Variants in EPB41L4B observed in about 807,000 individuals in gnomAD.
EPB41L4B encodes the protein band 4.1-like protein 4B.
EPB41L4B carries 30 observed loss-of-function variants against 112.5 expected under a neutral mutation model. That is an observed-to-expected ratio of 0.27 (90% CI 0.20 to 0.36). The LOEUF is 0.36. Among genes scored for constraint, EPB41L4B ranks in the 10% least tolerant of loss-of-function variants. EPB41L4B has a pLI of 1.00. For missense variants in EPB41L4B, 1,024 were observed against 1,133.3 expected (o/e 0.90, Z 1.38); for synonymous variants, 408 against 439.7 (o/e 0.93, Z 0.90).
At chr9:109,208,090 G>A (rs772236474) in intron 17 of EPB41L4B, 41 bp from the exon 18 acceptor site, 40 of 1,612,102 alleles carry the variant, frequency 2.5e-5, no homozygotes, top group Non-Finnish European at 3.2e-5. Flanking sequence ...TGTAAACAAA[G>A]AGAGAACCAT....
intron 1 of EPB41L4B, among the ~76,000 whole-genome samples, chr9:109,288,754 A>AAAAAAAAT (rs71372560): frequency 7.2e-6 from 1 of 139,030 alleles, no homozygotes; most frequent in Non-Finnish European, 1.6e-5. Context: ...AAAAAAAAAA[A>AAAAAAAAT]GCTGGGTGTG....
At chr9:109,241,106 G>T in intron 15 of EPB41L4B, 1 of 985,606 alleles carries the variant, frequency 1.0e-6, no homozygotes, top group Non-Finnish European at 1.2e-6. Flanking sequence ...AAATTAGTTT[G>T]AATGTATGTC....
rs1226953502 is a variant in EPB41L4B, at chr9:109,243,676, A to G, written c.1351T>C (p.Tyr451His). The G allele has an allele frequency of 1.9e-6, 3 of 1,614,032 alleles. No individual in the cohort carries two copies. The highest frequency in any genetic ancestry group is 2.5e-6 in the Non-Finnish European group (3 of 1,179,984). ...NPEVHNYQPQ[Y>H]HPNIHPSQPR... ...TGGCTGGGATGGATATTAGGATGATATTGAGGCTAGAAATAAAACACCAAA... is the reference window on the plus strand; with the variant it reads ...TGGCTGGGATGGATATTAGGATGATGTTGAGGCTAGAAATAAAACACCAAA... The change falls in exon 15 of 26, where the codon TAT becomes CAT. Residue 451 changes from tyrosine (Y) to histidine (H), a missense_variant. Tyr to His is a moderately conservative substitution (Grantham distance 83). Coordinates refer to ENST00000374566, the MANE Select transcript of EPB41L4B (RefSeq NM_019114.5).
chr9:109,182,898 G>C, intron 23 of EPB41L4B, 101 bp from the exon 24 acceptor site: 1 of 823,384 alleles, frequency 1.2e-6, no homozygotes, highest in South Asian at 1.4e-5. Context: ...AGGATTCAGG[G>C]GTGCCCCCGC....
intron 1 of EPB41L4B, among the ~76,000 whole-genome samples, chr9:109,293,086 G>T (rs1179919380): frequency 6.6e-6 from 1 of 152,208 alleles, no homozygotes; most frequent in Non-Finnish European, 1.5e-5. Flanking sequence ...TCTCCCAGCT[G>T]TGAGCCCTGC....
intron 15 of EPB41L4B, chr9:109,240,339 C>G: frequency 1.0e-6 from 1 of 985,438 alleles, no homozygotes; most frequent in Non-Finnish European, 1.2e-6. Context: ...GTCAGCTCCA[C>G]TGTGCAAGGT....
chr9:109,185,816 C>T (rs1403595887), intron 22 of EPB41L4B, among the ~76,000 whole-genome samples: 1 of 120,768 alleles, frequency 8.3e-6, no homozygotes, highest in Admixed American at 1.1e-4. Context: ...TCTCTCTCAG[C>T]CTTCTTTTCT....
At chr9:109,223,559 A>G (rs1015920309) in intron 15 of EPB41L4B, among the ~76,000 whole-genome samples, 40 of 152,204 alleles carry the variant, frequency 2.6e-4, no homozygotes, top group African/African-American at 8.4e-4. Flanking sequence ...CAATGCCCCA[A>G]AAAGCCAATC....
intron 15 of EPB41L4B, among the ~76,000 whole-genome samples, chr9:109,236,408 T>C (rs1302624499): frequency 6.6e-6 from 1 of 151,496 alleles, no homozygotes; most frequent in Admixed American, 6.6e-5. Flanking sequence ...GACTTAACAT[T>C]ATGCCTATTT....
At chr9:109,313,233 C>T (rs923860015) in intron 1 of EPB41L4B, among the ~76,000 whole-genome samples, 4 of 152,234 alleles carry the variant, frequency 2.6e-5, no homozygotes, top group Non-Finnish European at 2.9e-5. Context: ...ATACCCCTCC[C>T]CCATGCTTAA....
rs73529383 is a variant in EPB41L4B at position 109,252,421 on chromosome 9, C to T, written c.1280-910G>A. Among the ~76,000 whole-genome samples the T allele has an allele frequency of 6.3e-3, 952 of 152,292 alleles. 8 individuals carry two copies. The highest frequency in any genetic ancestry group is 0.022 in the African/African-American group (924 of 41,544). ...CCCATCGCCCTTCTCTGGACACGCT[C>T]CCATCCCCTGGCCTCTCTCGAAGGG... On this transcript the variant is annotated intron_variant, in intron 12 of 25. Coordinates refer to ENST00000374566, the MANE Select transcript of EPB41L4B (RefSeq NM_019114.5).
intron 11 of EPB41L4B, among the ~76,000 whole-genome samples, chr9:109,254,798 T>C (rs1834919884): frequency 6.6e-6 from 1 of 152,178 alleles, no homozygotes; most frequent in Non-Finnish European, 1.5e-5. Context: ...GCTCTTGATG[T>C]TTTCAGGCTC....
intron 16 of EPB41L4B, 114 bp from the exon 17 acceptor site, chr9:109,213,932 C>G: frequency 1.2e-6 from 1 of 841,584 alleles, no homozygotes; most frequent in South Asian, 1.5e-5. Flanking sequence ...CCGGCCTCCT[C>G]CTCCAGCAGC....
intron 15 of EPB41L4B, among the ~76,000 whole-genome samples, chr9:109,220,694 A>G (rs951427101): frequency 6.6e-6 from 1 of 152,168 alleles, no homozygotes; most frequent in African/African-American, 2.4e-5. Context: ...TCTCTGACCC[A>G]TCTTGGCTGC....
At chr9:109,174,762 A>G (rs1487971438) in intron 25 of EPB41L4B, 139 bp from the exon 26 acceptor site, 4 of 649,860 alleles carry the variant, frequency 6.2e-6, no homozygotes, top group Non-Finnish European at 7.9e-6. Flanking sequence ...GACTATCTAC[A>G]TTTGCTAGCA....
At chr9:109,192,134 C>T (rs1196128019) in intron 22 of EPB41L4B, 144 bp downstream of exon 22, 13 of 684,318 alleles carry the variant, frequency 1.9e-5, no homozygotes, top group Admixed American at 1.0e-4. Flanking sequence ...GTGCCTGACC[C>T]CTGGATGAAA....
chr9:109,306,957 A>T (rs1490936090), intron 1 of EPB41L4B, among the ~76,000 whole-genome samples: 1 of 149,750 alleles, frequency 6.7e-6, no homozygotes, highest in Non-Finnish European at 1.5e-5. Flanking sequence ...ACGCCCATAC[A>T]TTTGACCATT....
intron 24 of EPB41L4B, among the ~76,000 whole-genome samples, chr9:109,177,667 C>CA (rs1831891057): frequency 6.6e-6 from 1 of 151,510 alleles, no homozygotes; most frequent in Non-Finnish European, 1.5e-5. Context: ...ACTAAAAATA[C>CA]AAAAAATCAG....
At chr9:109,208,141 C>A in intron 17 of EPB41L4B, 92 bp from the exon 18 acceptor site, 2 of 1,482,004 alleles carry the variant, frequency 1.3e-6, no homozygotes, top group South Asian at 2.5e-5. Flanking sequence ...GCATATAACA[C>A]AGACCTACAT....
Sources: allele counts gnomAD v4.1 joint callset (sites outside exome capture counted in the v4.1 genomes callset), GRCh38; gene constraint gnomAD v4.1.1; transcripts MANE v1.5; gene names NCBI Gene and HGNC (gene_info 2026-07-23, HGNC 2026-07-21).